Variants in SORBS2 observed in about 807,000 individuals in gnomAD.
SORBS2 encodes the protein sorbin and SH3 domain-containing protein 2.
A neutral mutation model predicts 97.7 loss-of-function variants in SORBS2; 46 were observed. The observed-to-expected ratio is 0.47, with a 90% CI of 0.37 to 0.60. The LOEUF is 0.60. Ranked by LOEUF, SORBS2 falls within the 20% of genes least tolerant of loss-of-function variation. The probability of loss-of-function intolerance (pLI) is 0.00; values close to 1 mark genes in which losing one functional copy is unlikely to be tolerated. For synonymous variants in SORBS2, 476 were observed against 473.4 expected, an observed-to-expected ratio of 1.01 and a Z score of -0.07; for missense variants, 1,316 against 1,282.3, an observed-to-expected ratio of 1.03 and a Z score of -0.40.
intron 1 of SORBS2, among the ~76,000 whole-genome samples, chr4:185,950,426 C>A (rs1252458457): frequency 6.6e-6 from 1 of 152,114 alleles, no homozygotes; most frequent in African/African-American, 2.4e-5. Context: ...GGGAGAAGAT[C>A]ATGGTTTGGC....
At chr4:185,838,451 C>T (rs2099209501) in intron 1 of SORBS2, among the ~76,000 whole-genome samples, 1 of 152,206 alleles carries the variant, frequency 6.6e-6, no homozygotes, top group Admixed American at 6.5e-5. Flanking sequence ...GTCTGGGGGG[C>T]TCACGGAGGA....
rs778682404 is a variant in SORBS2 at position 185,623,521 on chromosome 4, G to C, written c.1608C>G (p.Ser536=). 6.2e-7 allele frequency: 1 copy of C among 1,613,892 alleles called. No individual in the cohort carries two copies. Among genetic ancestry groups the C allele is most frequent in the African/African-American group, 1.3e-5 (1 of 74,892 alleles). Residue 536 remains serine (S), a synonymous_variant, in exon 7 of 15, where the codon TCC becomes TCG. Coordinates refer to ENST00000418609, the Ensembl canonical transcript of SORBS2. The surrounding 1 kb of genome is among the most constrained non-coding windows in gnomAD (Gnocchi z 6.4). Reference sequence around the variant, plus strand: ...GGTGGCTGGATCCGTAAAAGCTTTCGGAGGATGTGAAGGAAAAGTGATCAA... The same window carrying C: ...GGTGGCTGGATCCGTAAAAGCTTTCCGAGGATGTGAAGGAAAAGTGATCAA...
intron 2 of SORBS2, among the ~76,000 whole-genome samples, chr4:185,749,113 C>A (rs534782252): frequency 6.6e-6 from 1 of 152,186 alleles, no homozygotes; most frequent in Non-Finnish European, 1.5e-5. Flanking sequence ...CAGTAGGGAT[C>A]GGCAGGCACA....
At chr4:185,745,036 C>A (rs915725656) in intron 2 of SORBS2, among the ~76,000 whole-genome samples, 2 of 152,180 alleles carry the variant, frequency 1.3e-5, no homozygotes, top group Non-Finnish European at 2.9e-5. Flanking sequence ...ACAGAAGACA[C>A]TTGTGGGCCG....
chr4:185,699,994 T>A (rs979689814), intron 2 of SORBS2, among the ~76,000 whole-genome samples: 1 of 152,196 alleles, frequency 6.6e-6, no homozygotes, highest in African/African-American at 2.4e-5. Flanking sequence ...GTCTGCAACA[T>A]TTTTATTTTA....
At chr4:185,917,320 G>A (rs1399477315) in intron 1 of SORBS2, among the ~76,000 whole-genome samples, 2 of 152,130 alleles carry the variant, frequency 1.3e-5, no homozygotes, top group African/African-American at 2.4e-5. Context: ...TCCGCCTCCC[G>A]GGCTCAAGGG....
intron 5 of SORBS2, among the ~76,000 whole-genome samples, chr4:185,627,468 T>C (rs1275924585): frequency 6.6e-6 from 1 of 152,218 alleles, no homozygotes; most frequent in Non-Finnish European, 1.5e-5. Flanking sequence ...TCCTCAAGCC[T>C]CAGTCTCCTG....
intron 2 of SORBS2, among the ~76,000 whole-genome samples, chr4:185,700,638 G>A (rs1025645194): frequency 2.0e-5 from 3 of 152,118 alleles, no homozygotes; most frequent in Non-Finnish European, 2.9e-5. Flanking sequence ...AAATAAGACT[G>A]TTTCTCAGTG....
chr4:185,738,466 C>T (rs1266070435), intron 2 of SORBS2, among the ~76,000 whole-genome samples: 8 of 152,158 alleles, frequency 5.3e-5, no homozygotes, highest in Admixed American at 4.6e-4. Context: ...GTTTTGCAAC[C>T]GGGCAAGTTT....
intron 2 of SORBS2, among the ~76,000 whole-genome samples, chr4:185,765,945 A>G (rs575580009): frequency 2.0e-5 from 3 of 152,184 alleles, no homozygotes; most frequent in Non-Finnish European, 4.4e-5. Context: ...TCTGCCTTGA[A>G]TAAAAATAGT....
intron 7 of SORBS2, among the ~76,000 whole-genome samples, chr4:185,622,643 G>A (rs2096736749): frequency 6.6e-6 from 1 of 152,182 alleles, no homozygotes; most frequent in African/African-American, 2.4e-5. Context: ...CCCTAATGCT[G>A]AGCTACAAAA....
At chr4:185,652,068 G>A (rs1252485969) in intron 2 of SORBS2, among the ~76,000 whole-genome samples, 3 of 152,030 alleles carry the variant, frequency 2.0e-5, no homozygotes, top group East Asian at 3.9e-4. Context: ...CAACCCCTGG[G>A]CTCAAATCAT....
chr4:185,881,525 C>A (rs1031018269), intron 1 of SORBS2, among the ~76,000 whole-genome samples: 1 of 152,066 alleles, frequency 6.6e-6, no homozygotes, highest in African/African-American at 2.4e-5. Flanking sequence ...AAGGCATCTA[C>A]AAGTGGTGAA....
At chr4:185,652,553 G>C (rs569835576) in intron 2 of SORBS2, 109 bp downstream of exon 10, 2 of 835,522 alleles carry the variant, frequency 2.4e-6, no homozygotes, top group Non-Finnish European at 4.1e-6. Context: ...AAGGGGACAC[G>C]GAGTTTGCTG....
At chr4:185,692,035 C>T (rs953343378) in intron 2 of SORBS2, among the ~76,000 whole-genome samples, 2 of 152,228 alleles carry the variant, frequency 1.3e-5, no homozygotes, top group African/African-American at 4.8e-5. Context: ...TATTGTGTAT[C>T]GTTTTATGAC....
At chr4:185,894,953 C>T (rs943276460) in intron 1 of SORBS2, among the ~76,000 whole-genome samples, 12 of 152,218 alleles carry the variant, frequency 7.9e-5, no homozygotes, top group African/African-American at 2.9e-4. Context: ...CCTCCTGACA[C>T]CCCGGCTGGG....
At chr4:185,797,662 A>G (rs1283245992) in intron 1 of SORBS2, among the ~76,000 whole-genome samples, 1 of 152,148 alleles carries the variant, frequency 6.6e-6, no homozygotes, top group Non-Finnish European at 1.5e-5. Context: ...CTAAGTAGGG[A>G]AATAGGGGTC....
intron 2 of SORBS2, chr4:185,772,197 C>T (rs13126543): frequency 0.072 from 11,010 of 152,136 alleles, 668 homozygotes; most frequent in East Asian, 0.19. Flanking sequence ...CACACACACA[C>T]CCCTTCCCAA....
At chr4:185,670,016 C>T (rs945790996) in intron 4 of SORBS2, among the ~76,000 whole-genome samples, 9 of 152,000 alleles carry the variant, frequency 5.9e-5, no homozygotes, top group Admixed American at 3.3e-4. Flanking sequence ...GTCAGGAGTT[C>T]TAGACCAGCC....
Sources: gnomAD v4.1 joint callset for allele counts (sites outside exome capture counted in the v4.1 genomes callset) on GRCh38, gnomAD v4.1.1 for gene constraint, Gnocchi (gnomAD v3.1) non-coding constraint, MANE v1.5 for transcripts, NCBI Gene and HGNC (gene_info 2026-07-23, HGNC 2026-07-21) for gene names.